Variants in KDM4B observed in about 807,000 individuals in gnomAD.
KDM4B encodes the protein lysine demethylase 4B.
Under a neutral mutation model 125.2 loss-of-function variants are expected in KDM4B, and 32 were observed. The observed-to-expected ratio is 0.26, with a 90% confidence interval of 0.19 to 0.34. KDM4B has a LOEUF of 0.34. KDM4B is among the 10% of genes least tolerant of loss of function. The pLI, the probability that KDM4B is intolerant of heterozygous loss-of-function variation, is 1.00. For synonymous variants in KDM4B, 721 were observed against 677.9 expected (o/e 1.06, Z -0.99); for missense variants, 1,190 against 1,577.7 (o/e 0.75, Z 4.16).
chr19:4,970,677 C>T (rs1178153726), intron 1 of KDM4B, among the ~76,000 whole-genome samples: 2 of 146,466 alleles, frequency 1.4e-5, no homozygotes, highest in East Asian at 1.9e-4. Flanking sequence ...CCAATAATAG[C>T]TTCCTTATGA....
chr19:5,030,714 G>A (rs1205859800), intron 2 of KDM4B, among the ~76,000 whole-genome samples: 1 of 152,228 alleles, frequency 6.6e-6, no homozygotes, highest in Non-Finnish European at 1.5e-5. Context: ...GTGCCGTGTG[G>A]CCTAGGCCCA....
chr19:4,986,900 G>A (rs1343799330), intron 1 of KDM4B, among the ~76,000 whole-genome samples: 2 of 152,206 alleles, frequency 1.3e-5, no homozygotes, highest in African/African-American at 2.4e-5. Context: ...CAGCCGTGAG[G>A]GCAAAGGCTG....
At chr19:5,100,616 G>A (rs917796567) in intron 9 of KDM4B, among the ~76,000 whole-genome samples, 2 of 151,970 alleles carry the variant, frequency 1.3e-5, no homozygotes, top group Admixed American at 6.6e-5. Context: ...ATGGGGTCTC[G>A]CCATGTTGCC....
intron 1 of KDM4B, among the ~76,000 whole-genome samples, chr19:4,998,685 G>A (rs1274911785): frequency 6.6e-6 from 1 of 152,114 alleles, no homozygotes; most frequent in Non-Finnish European, 1.5e-5. Context: ...AGAGAATCCA[G>A]GATCAACACA....
chr19:5,035,381 G>A lies in KDM4B; in HGVS notation c.141+2350G>A, dbSNP rs1297327939. The stretch of plus-strand genomic sequence containing the variant: ...GAATCAGCATCTCAGACCGCCCTGC[G>A]CTCTTCCGAGGTGCCTTTAAATGCC... On this transcript the variant is annotated intron_variant, in intron 3 of 22. Coordinates refer to ENST00000159111, the MANE Select transcript of KDM4B (RefSeq NM_015015.3). The surrounding 1 kb of genome is among the most constrained non-coding windows in gnomAD (Gnocchi z 5.3). Among the ~76,000 whole-genome samples, 3 of 152,114 alleles carry A rather than the reference G, an allele frequency of 2.0e-5. No individual in the cohort carries two copies. The highest frequency in any genetic ancestry group is 2.0e-4 in the Admixed American group (3 of 15,274).
intron 21 of KDM4B, among the ~76,000 whole-genome samples, chr19:5,146,939 C>CAA (rs1182135277): frequency 0.18 from 11,059 of 60,192 alleles, 866 homozygotes; most frequent in South Asian, 0.2. Flanking sequence ...ACCCTGTCTC[C>CAA]AAAAAAAAAA....
At chr19:4,969,273 C>G (rs1422794387) in intron 1 of KDM4B, 43 bp downstream of exon 1, 1 of 146,716 alleles carries the variant, frequency 6.8e-6, no homozygotes, top group Non-Finnish European at 1.5e-5. Context: ...CGAGCGCGGA[C>G]CCCGCCGCCA....
intron 1 of KDM4B, among the ~76,000 whole-genome samples, chr19:5,015,126 G>GCA (rs1568228197): frequency 6.6e-6 from 1 of 152,222 alleles, no homozygotes; most frequent in Non-Finnish European, 1.5e-5. Context: ...GCAGAAGGAA[G>GCA]CAGAGGGCAG....
chr19:4,976,387 G>T (rs189812697), intron 1 of KDM4B, among the ~76,000 whole-genome samples: 2 of 152,202 alleles, frequency 1.3e-5, no homozygotes, highest in East Asian at 1.9e-4. Context: ...CAGTGTAGGT[G>T]GGGGGAACGC....
At chr19:5,080,743 A>G (rs959361550) in intron 8 of KDM4B, 9 of 152,284 alleles carry the variant, frequency 5.9e-5, no homozygotes, top group Admixed American at 2.0e-4. Context: ...AGATTGGTAC[A>G]TAAGTGTTCT....
At chr19:5,017,810 A>T (rs528646052) in intron 2 of KDM4B, among the ~76,000 whole-genome samples, 2 of 151,774 alleles carry the variant, frequency 1.3e-5, no homozygotes, top group African/African-American at 2.4e-5. Context: ...GCGTGATCTC[A>T]GCTCACTGCA....
intron 11 of KDM4B, among the ~76,000 whole-genome samples, chr19:5,128,896 T>G (rs2039496335): frequency 6.8e-6 from 1 of 147,562 alleles, no homozygotes; most frequent in Non-Finnish European, 1.5e-5. Flanking sequence ...GGGGCCCGGA[T>G]ACCAGCGGAG....
intron 1 of KDM4B, among the ~76,000 whole-genome samples, chr19:5,011,341 T>C (rs1488986344): frequency 6.6e-6 from 1 of 152,220 alleles, no homozygotes; most frequent in Non-Finnish European, 1.5e-5. Flanking sequence ...CGCTAACCCA[T>C]GTGTATATGC....
chr19:5,026,876 C>G (rs1305547293), intron 2 of KDM4B, among the ~76,000 whole-genome samples: 10 of 152,126 alleles, frequency 6.6e-5, no homozygotes, highest in Non-Finnish European at 1.5e-4. Context: ...AGCTGACTGC[C>G]GCCCCCTTTC....
intron 1 of KDM4B, among the ~76,000 whole-genome samples, chr19:4,974,891 G>A (rs1463885821): frequency 6.6e-6 from 1 of 152,098 alleles, no homozygotes; most frequent in Non-Finnish European, 1.5e-5. Flanking sequence ...TCTGTCATCT[G>A]TGGCCTTGTC....
At chr19:5,015,323 C>T in intron 1 of KDM4B, among the ~76,000 whole-genome samples, 1 of 152,144 alleles carries the variant, frequency 6.6e-6, no homozygotes, top group East Asian at 1.9e-4. Context: ...ATGATCTCGG[C>T]TCACTGTAAC....
chr19:5,114,141 A>G lies in KDM4B; in HGVS notation c.1115+3323A>G, dbSNP rs963810566. The G allele has an allele frequency of 7.8e-7, 1 of 1,288,896 alleles. No homozygotes were observed. The highest frequency in any genetic ancestry group is 1.5e-5 in the African/African-American group (1 of 65,574). 79.8% of individuals were successfully genotyped at this position (1,288,896 alleles called of 1,614,324 possible). On this transcript the variant is annotated intron_variant, in intron 10 of 22. Transcript: ENST00000159111. The surrounding 1 kb of genome is among the most constrained non-coding windows in gnomAD (Gnocchi z 5.8). ...GCCCTGCCTGAGCCGGAGCCCTCAC[A>G]GTGCTCTCTGGCACCCACGCGACGC... is the stretch of plus-strand genomic sequence containing the variant.
At chr19:5,073,435 C>T (rs1427670662) in intron 7 of KDM4B, among the ~76,000 whole-genome samples, 1 of 152,248 alleles carries the variant, frequency 6.6e-6, no homozygotes, top group East Asian at 1.9e-4. Flanking sequence ...TTCACCCAGG[C>T]GGGCCCCTCC....
At chr19:5,116,564 G>T (rs1464640559) in intron 10 of KDM4B, among the ~76,000 whole-genome samples, 2 of 152,240 alleles carry the variant, frequency 1.3e-5, no homozygotes, top group Non-Finnish European at 2.9e-5. Context: ...GTCAAGGGGA[G>T]TCTCAAGATC....
Sources: gnomAD v4.1 joint callset for allele counts (sites outside exome capture counted in the v4.1 genomes callset) on GRCh38, gnomAD v4.1.1 for gene constraint, Gnocchi (gnomAD v3.1) non-coding constraint, MANE v1.5 for transcripts, NCBI Gene and HGNC (gene_info 2026-07-23, HGNC 2026-07-21) for gene names.